NF2: variants seen among roughly 807,000 people sequenced by gnomAD.
NF2 encodes NF2, moesin-ezrin-radixin like (MERLIN) tumor suppressor.
A neutral mutation model predicts 83.7 loss-of-function variants in NF2; 8 were observed. The ratio of observed to expected loss-of-function variants is 0.10; its 90% CI spans 0.06 to 0.17. NF2 has a LOEUF of 0.17. NF2 is among the 10% of genes least tolerant of loss of function. The pLI is 1.00. For synonymous variants in NF2, 266 were observed against 269.6 expected (o/e 0.99, Z 0.13); for missense variants, 533 against 744.4 (o/e 0.72, Z 3.31).
chr22:29,653,188 G>A lies in NF2; in HGVS notation c.448-1469G>A, dbSNP rs5763393. Among the ~76,000 whole-genome samples the A allele has an allele frequency of 6.8e-4, 104 of 152,296 alleles. 1 individual carries two copies. In the East Asian group the frequency reaches 9.8e-3, roughly 14 times the overall value. On this transcript the variant is annotated intron_variant, in intron 4 of 15. Transcript: ENST00000338641. ...AGGCCAGGCGCGGTGGCTGACGCCT[G>A]TAATCTCAGCACTTTGGGAGGCTGA...
rs531473733 is a variant in NF2 at position 29,678,157 on chromosome 22, T to C, written c.1447-39T>C. On this transcript the variant is annotated intron_variant, in intron 13 of 15. Transcript: ENST00000338641. ...ACACAGTAGTGTCCTTCTGTGCTTG[T>C]ATGACCCAAGCTCCTAATCCGAAAT... The C allele has an allele frequency of 1.3e-4, 214 of 1,612,612 alleles. No homozygotes were observed. The South Asian group carries it at 2.3e-3, about 17-fold the overall frequency.
At chr22:29,620,340 G>A (rs1028372325) in intron 1 of NF2, among the ~76,000 whole-genome samples, 1 of 152,194 alleles carries the variant, frequency 6.6e-6, no homozygotes, top group Non-Finnish European at 1.5e-5. Flanking sequence ...AGGATCACTT[G>A]AGCCCAGGAG....
intron 1 of NF2, among the ~76,000 whole-genome samples, chr22:29,607,671 C>T (rs982881549): frequency 2.0e-5 from 3 of 152,090 alleles, no homozygotes; most frequent in African/African-American, 7.2e-5. Context: ...GCAGCAGCAA[C>T]TGCCTGTGAG....
chr22:29,643,015 C>T (rs1013875128), intron 4 of NF2, among the ~76,000 whole-genome samples: 1 of 151,816 alleles, frequency 6.6e-6, no homozygotes, highest in Non-Finnish European at 1.5e-5. Flanking sequence ...TTTCATGTCC[C>T]TCAGATTTTT....
chr22:29,604,398 A>ATTT, intron 1 of NF2, among the ~76,000 whole-genome samples: 1 of 152,208 alleles, frequency 6.6e-6, no homozygotes, highest in Non-Finnish European at 1.5e-5. Context: ...TTACGCTTAA[A>ATTT]AGCTTGAAAG....
chr22:29,638,435 C>T (rs1264225646), intron 2 of NF2, among the ~76,000 whole-genome samples: 1 of 151,582 alleles, frequency 6.6e-6, no homozygotes, highest in East Asian at 1.9e-4. Flanking sequence ...ACTGCAACCT[C>T]TACCTCCTGG....
chr22:29,671,863 G>C lies in NF2; in HGVS notation c.1037G>C (p.Arg346Thr), dbSNP rs1556000154. The part of the protein sequence containing the change: ...RQRLAREKQM[R>T]EEAERTRDEL... ...CGCCTCGCTCGAGAGAAGCAGATGA[G>C]GGAGGAGGCTGAACGCACGAGGGAT... The change falls in exon 11 of 16, where the codon AGG becomes ACG. Residue 346 changes from arginine (R) to threonine (T), a missense_variant. Physicochemically the swap from Arg to Thr is moderately conservative, Grantham distance 71. Transcript: ENST00000338641. The C allele has an allele frequency of 6.2e-7, 1 of 1,614,176 alleles. No individual in the cohort carries two copies. The highest frequency in any genetic ancestry group is 8.5e-7 in the Non-Finnish European group (1 of 1,180,026).
intron 4 of NF2, among the ~76,000 whole-genome samples, chr22:29,642,488 GTA>G (rs1431065325): frequency 1.3e-5 from 2 of 151,970 alleles, no homozygotes; most frequent in Non-Finnish European, 2.9e-5. Flanking sequence ...GTGTGTGTGT[GTA>G]TGTGTGTGTG....
intron 4 of NF2, among the ~76,000 whole-genome samples, chr22:29,643,893 G>A (rs1216345530): frequency 9.7e-5 from 14 of 144,198 alleles, no homozygotes; most frequent in South Asian, 4.6e-4. Context: ...CTCACCTCCC[G>A]GATGGGGCGG....
intron 1 of NF2, among the ~76,000 whole-genome samples, chr22:29,611,055 A>G (rs2064939700): frequency 1.3e-5 from 2 of 152,246 alleles, no homozygotes; most frequent in African/African-American, 4.8e-5. Flanking sequence ...AATGCATTAT[A>G]TCAATAGAAT....
intron 4 of NF2, among the ~76,000 whole-genome samples, chr22:29,653,748 ACAG>A (rs1390472721): frequency 1.2e-4 from 18 of 152,302 alleles, no homozygotes; most frequent in African/African-American, 4.3e-4. Flanking sequence ...GTATATAGAA[ACAG>A]CAGCCTTGTG....
chr22:29,603,559 G>T (rs932202162), upstream of NF2: 9 of 386,340 alleles, frequency 2.3e-5, no homozygotes, highest in African/African-American at 1.7e-4. Context: ...GGGAGGGTGC[G>T]CTTCCCGCGG....
intron 12 of NF2, among the ~76,000 whole-genome samples, chr22:29,673,693 C>T (rs2066877835): frequency 6.6e-6 from 1 of 152,196 alleles, no homozygotes; most frequent in Non-Finnish European, 1.5e-5. Context: ...ACTCAGTTCC[C>T]CCTCCAGGGG....
chr22:29,644,011 CCG>C (rs2065897984), intron 4 of NF2, among the ~76,000 whole-genome samples: 1 of 97,808 alleles, frequency 1.0e-5, no homozygotes, highest in African/African-American at 4.1e-5. Flanking sequence ...GCTGGCCTGG[CCG>C]GGGGGCTGAC....
Position 29,642,305 on chromosome 22 carries a change from A to C in NF2, c.447+20A>C. Reference sequence around the variant, plus strand: ...GCCAAGGTAGGCTCAAAGAAGAAAAATGTATTTTTCCTGGGCGTTAATTTG... The same window carrying C: ...GCCAAGGTAGGCTCAAAGAAGAAAACTGTATTTTTCCTGGGCGTTAATTTG... On this transcript the variant is annotated intron_variant, in intron 4 of 15. Transcript: ENST00000338641. 1 of 1,609,168 alleles carries C rather than the reference A, an allele frequency of 6.2e-7. No individual in the cohort carries two copies. The highest frequency in any genetic ancestry group is 8.5e-7 in the Non-Finnish European group (1 of 1,175,508).
At chr22:29,681,665 G>T in intron 15 of NF2, 64 bp downstream of exon 15, 1 of 1,602,182 alleles carries the variant, frequency 6.2e-7, no homozygotes, top group Non-Finnish European at 8.5e-7. Context: ...TGTGCGGTTG[G>T]CATCTGGTTT....
chr22:29,651,865 T>C (rs2066157453), intron 4 of NF2, among the ~76,000 whole-genome samples: 1 of 152,236 alleles, frequency 6.6e-6, no homozygotes, highest in Non-Finnish European at 1.5e-5. Context: ...CATTAGAGCT[T>C]GGTCAGCACT....
In NF2 at chr22:29,603,662, C is replaced by G. The variant is rs1416428622; in HGVS notation, c.-337C>G. Reference sequence around the variant, plus strand: ...CCCTAGTCGGCCGCTGAGAGGCGCGCGGAGTCTGGGCCGCTGCCGTCTAGG... The same window carrying G: ...CCCTAGTCGGCCGCTGAGAGGCGCGGGGAGTCTGGGCCGCTGCCGTCTAGG... On this transcript the variant is annotated 5_prime_UTR_variant, in exon 1 of 16. Coordinates refer to ENST00000338641, the MANE Select transcript of NF2 (RefSeq NM_000268.4). 2.4e-6 allele frequency: 1 copy of G among 408,894 alleles called. No individual in the cohort carries two copies. The highest frequency in any genetic ancestry group is 4.3e-6 in the Non-Finnish European group (1 of 232,378). The allele number at this position is 408,894 out of a possible 1,614,324, so 25.3% of individuals were successfully genotyped here. A position where few individuals can be genotyped will look rare whatever the true frequency, so the allele number is the denominator to read the frequency against.
intron 1 of NF2, among the ~76,000 whole-genome samples, chr22:29,608,605 G>A (rs2064867083): frequency 6.6e-6 from 1 of 150,620 alleles, no homozygotes; most frequent in East Asian, 2.0e-4. Context: ...GGAGGCGGAG[G>A]TTGTAGTGAG....
Sources: gnomAD v4.1 joint callset for allele counts (sites outside exome capture counted in the v4.1 genomes callset) on GRCh38, gnomAD v4.1.1 for gene constraint, MANE v1.5 for transcripts, NCBI Gene and HGNC (gene_info 2026-07-23, HGNC 2026-07-21) for gene names.